The following FAM185A variants were observed in gnomAD, a reference collection of about 807,000 sequenced individuals.
FAM185A encodes family with sequence similarity 185 member A, also known as protein FAM185A.
A neutral mutation model predicts 45.7 loss-of-function variants in FAM185A; 21 were observed. The ratio of observed to expected loss-of-function variants is 0.46; its 90% CI spans 0.33 to 0.66. The LOEUF (loss-of-function observed/expected upper bound fraction) is 0.66, where lower values mean the gene tolerates loss of function less well. Ranked by LOEUF, FAM185A falls within the 30% of genes least tolerant of loss-of-function variation. The probability of loss-of-function intolerance (pLI) is 0.03; values close to 1 mark genes in which losing one functional copy is unlikely to be tolerated. For synonymous variants in FAM185A, 117 were observed against 194.0 expected (o/e 0.60, Z 3.30); for missense variants, 305 against 485.4 (o/e 0.63, Z 3.49).
intron 7 of FAM185A, among the ~76,000 whole-genome samples, chr7:102,794,962 T>C (rs1796362295): frequency 6.6e-6 from 1 of 152,134 alleles, no homozygotes; most frequent in Non-Finnish European, 1.5e-5. Flanking sequence ...AAATTAAAGA[T>C]GTAGAGAATA....
At chr7:102,805,813 G>T (rs976746800) in intron 7 of FAM185A, among the ~76,000 whole-genome samples, 3 of 152,254 alleles carry the variant, frequency 2.0e-5, no homozygotes, top group Non-Finnish European at 1.5e-5. Context: ...GAAGCAGGGG[G>T]GCTGCAGGTT....
At chr7:102,829,444 C>T in the FAM185A span, among the ~76,000 whole-genome samples, 1 of 152,182 alleles carries the variant, frequency 6.6e-6, no homozygotes. Context: ...AGGTGCATTG[C>T]AGAGACATTT....
chr7:102,818,397 G>A, the FAM185A span, among the ~76,000 whole-genome samples: 6 of 152,180 alleles, frequency 3.9e-5, no homozygotes, highest in South Asian at 1.2e-3. Context: ...CCATTTTGAT[G>A]ATAAAGTGTA....
chr7:102,847,073 C>T, the FAM185A span, among the ~76,000 whole-genome samples: 1 of 152,110 alleles, frequency 6.6e-6, no homozygotes, highest in Admixed American at 6.5e-5. Flanking sequence ...TATTGGAATA[C>T]AGCAACTCTC....
At chr7:102,755,592 G>T in intron 2 of FAM185A, 1 of 630,678 alleles carries the variant, frequency 1.6e-6, no homozygotes, top group South Asian at 1.7e-5. Flanking sequence ...TAACAAGAAA[G>T]CTCCGCTGGT....
At chr7:102,826,751 A>G in the FAM185A span, among the ~76,000 whole-genome samples, 2 of 109,834 alleles carry the variant, frequency 1.8e-5, no homozygotes, top group Non-Finnish European at 3.7e-5. Context: ...ATATATATAT[A>G]TATATATATA....
the FAM185A span, among the ~76,000 whole-genome samples, chr7:102,838,042 C>T: frequency 1.2e-4 from 18 of 152,268 alleles, no homozygotes; most frequent in Admixed American, 9.8e-4. Flanking sequence ...AATGAGCTTC[C>T]ATATATGGCC....
chr7:102,833,570 G>C, the FAM185A span, among the ~76,000 whole-genome samples: 1 of 151,066 alleles, frequency 6.6e-6, no homozygotes, highest in African/African-American at 2.4e-5. Context: ...GGGACTACAG[G>C]CGTGCACCAC....
At chr7:102,819,142 T>G in the FAM185A span, among the ~76,000 whole-genome samples, 84 of 152,302 alleles carry the variant, frequency 5.5e-4, no homozygotes, top group Non-Finnish European at 1.1e-3. Flanking sequence ...TCCTGGGTTG[T>G]GGGGGCCATT....
At chr7:102,793,908 G>A (rs560091296) in intron 7 of FAM185A, among the ~76,000 whole-genome samples, 4 of 151,672 alleles carry the variant, frequency 2.6e-5, no homozygotes, top group South Asian at 2.1e-4. Context: ...GCGTGGTGGC[G>A]GGTGCCTGAA....
the FAM185A span, among the ~76,000 whole-genome samples, chr7:102,835,603 G>GTTTTTTTTT: frequency 1.3e-4 from 13 of 97,520 alleles, 1 homozygote; most frequent in East Asian, 7.9e-4. Context: ...AGGTGACATT[G>GTTTTTTTTT]TTTTTTTTTT....
intron 2 of FAM185A, chr7:102,755,853 G>A (rs1242201975): frequency 7.2e-5 from 47 of 649,788 alleles, no homozygotes; most frequent in Non-Finnish European, 1.1e-4. Context: ...TCACTGGGAC[G>A]GCAATGTCCT....
chr7:102,801,128 C>G (rs1042950435), intron 7 of FAM185A, among the ~76,000 whole-genome samples: 7 of 152,138 alleles, frequency 4.6e-5, no homozygotes, highest in Non-Finnish European at 1.0e-4. Context: ...TCCAGCGAAA[C>G]TAGGCATTGT....
the FAM185A span, among the ~76,000 whole-genome samples, chr7:102,818,329 C>A: frequency 6.6e-6 from 1 of 152,192 alleles, no homozygotes; most frequent in African/African-American, 2.4e-5. Context: ...AAGTATGGCT[C>A]TCCTTATTTG....
chr7:102,777,707 C>G (rs1795153243), intron 6 of FAM185A, among the ~76,000 whole-genome samples: 1 of 152,282 alleles, frequency 6.6e-6, no homozygotes, highest in Non-Finnish European at 1.5e-5. Flanking sequence ...GGAAGCTTCT[C>G]TGCCAGCCTG....
intron 6 of FAM185A, among the ~76,000 whole-genome samples, chr7:102,786,542 G>A (rs922078227): frequency 1.6e-4 from 25 of 152,154 alleles, no homozygotes; most frequent in Admixed American, 1.6e-3. Flanking sequence ...CATGGATGAA[G>A]CTGGAAACCA....
At chr7:102,847,075 G>A in the FAM185A span, among the ~76,000 whole-genome samples, 1 of 152,126 alleles carries the variant, frequency 6.6e-6, no homozygotes. Context: ...TTGGAATACA[G>A]CAACTCTCAT....
intron 5 of FAM185A, among the ~76,000 whole-genome samples, chr7:102,776,099 TACAC>T (rs1360377462): frequency 9.4e-6 from 1 of 106,700 alleles, no homozygotes; most frequent in Non-Finnish European, 1.8e-5. Context: ...TTGGCTCCTA[TACAC>T]ACACACACAC....
rs187677396 is a variant in FAM185A, at chr7:102,792,861, C to T, written c.1066+5392C>T. ...TGGAATTGTTATTTATAGTGGAATA[C>T]TCGTTCATGGGTTGGAAGAGGTTGA... On this transcript the variant is annotated intron_variant, in intron 7 of 7. Transcript: ENST00000413034. 2.5e-3 allele frequency among the ~76,000 whole-genome samples: 379 copies of T among 152,122 alleles called. 2 individuals are homozygous for T. Among genetic ancestry groups the T allele is most frequent in the Non-Finnish European group, 4.4e-3 (298 of 68,002 alleles).
Sources: gnomAD v4.1 joint callset for allele counts (sites outside exome capture counted in the v4.1 genomes callset) on GRCh38, gnomAD v4.1.1 for gene constraint, MANE v1.5 for transcripts, NCBI Gene and HGNC (gene_info 2026-07-23, HGNC 2026-07-21) for gene names.